The following LRPPRC variants were observed in gnomAD, a reference collection of about 807,000 sequenced individuals.
The protein encoded by LRPPRC is leucine rich pentatricopeptide repeat containing.
Under a neutral mutation model 180.3 loss-of-function variants are expected in LRPPRC, and 120 were observed. The observed-to-expected ratio is 0.67, with a 90% CI of 0.57 to 0.77. LRPPRC has a LOEUF of 0.77. Ranked by LOEUF, LRPPRC falls within the 30% of genes least tolerant of loss-of-function variation. LRPPRC has a pLI of 0.00. For synonymous variants in LRPPRC, 723 were observed against 600.0 expected (o/e 1.21, Z -3.00); for missense variants, 2,012 against 1,657.2 (o/e 1.21, Z -3.72).
intron 10 of LRPPRC, 30 bp from the exon 11 acceptor site, chr2:43,973,744 G>T: frequency 6.2e-7 from 1 of 1,601,074 alleles, no homozygotes; most frequent in East Asian, 2.2e-5. Context: ...AGATCACAAA[G>T]CTACCTCAGC....
intron 36 of LRPPRC, among the ~76,000 whole-genome samples, chr2:43,891,647 C>T (rs1213998962): frequency 3.3e-5 from 5 of 152,214 alleles, no homozygotes; most frequent in Non-Finnish European, 5.9e-5. Context: ...TCCTGTCTTC[C>T]TCTACTCAGG....
At chr2:43,963,829 G>A in intron 11 of LRPPRC, 123 bp from the exon 12 acceptor site, 2 of 745,358 alleles carry the variant, frequency 2.7e-6, no homozygotes, top group South Asian at 1.4e-5. Flanking sequence ...CAATTCGTTT[G>A]TCTAAAAGGC....
intron 11 of LRPPRC, among the ~76,000 whole-genome samples, chr2:43,973,375 G>C (rs942015091): frequency 6.6e-6 from 1 of 152,110 alleles, no homozygotes; most frequent in Non-Finnish European, 1.5e-5. Flanking sequence ...TGAATATCAA[G>C]ATCAGAGATG....
At chr2:43,897,274 A>G (rs1670719575) in intron 34 of LRPPRC, among the ~76,000 whole-genome samples, 1 of 152,172 alleles carries the variant, frequency 6.6e-6, no homozygotes, top group Non-Finnish European at 1.5e-5. Context: ...GACCAAAGTT[A>G]AACTAAAAAA....
intron 27 of LRPPRC, among the ~76,000 whole-genome samples, chr2:43,923,564 TA>T (rs1268113535): frequency 1.3e-5 from 2 of 152,188 alleles, no homozygotes; most frequent in Non-Finnish European, 2.9e-5. Context: ...CACCTGGCCT[TA>T]GACTACCACA....
rs983648809 is a variant in LRPPRC, at chr2:43,914,544, G to A, written c.3149-1986C>T. On this transcript the variant is annotated intron_variant, in intron 29 of 37. Coordinates refer to ENST00000260665, the MANE Select transcript of LRPPRC (RefSeq NM_133259.4). ...GGAGTTCGACACCAGCCTAGACAAC[G>A]TAGTGAAACGCGGTCTATACCAAAA... Among the ~76,000 whole-genome samples the A allele has an allele frequency of 2.0e-5, 3 of 151,780 alleles. No individual in the cohort carries two copies. The South Asian group carries it at 6.3e-4, about 32-fold the overall frequency.
rs1675040850 is a variant in LRPPRC at position 43,995,909 on chromosome 2, A to C, written c.39T>G (p.Arg13=). 6.6e-7 allele frequency: 1 copy of C among 1,516,304 alleles called. No homozygotes were observed. Among genetic ancestry groups the C allele is most frequent in the Non-Finnish European group, 8.8e-7 (1 of 1,139,672 alleles). 93.9% of individuals were successfully genotyped at this position (1,516,304 alleles called of 1,614,324 possible). A position where few individuals can be genotyped will look rare whatever the true frequency, so the allele number is the denominator to read the frequency against. Reference sequence around the variant, plus strand: ...GCGGGAGGCGCGGGGCCGCCCCGGCACGCAGCAACCAACGCGCGGATCTCA... The same window carrying C: ...GCGGGAGGCGCGGGGCCGCCCCGGCCCGCAGCAACCAACGCGCGGATCTCA... ...ALLRSARWLL[R]AGAAPRLPLS... is the part of the protein sequence containing the mutation. The change falls in exon 1 of 38, where the codon CGT becomes CGG. Residue 13 remains arginine (R), a synonymous_variant. Coordinates refer to ENST00000260665, the MANE Select transcript of LRPPRC (RefSeq NM_133259.4).
At chr2:43,925,258 A>G (rs1671835882) in intron 26 of LRPPRC, 101 bp from the exon 27 acceptor site, 1 of 783,012 alleles carries the variant, frequency 1.3e-6, no homozygotes, top group Non-Finnish European at 2.3e-6. Flanking sequence ...CTTTACCAAA[A>G]GGGCAGTTGA....
intron 36 of LRPPRC, 139 bp from the exon 37 acceptor site, chr2:43,890,015 A>G: frequency 7.5e-6 from 5 of 665,624 alleles, no homozygotes; most frequent in Non-Finnish European, 8.2e-6. Flanking sequence ...GTAAGAAGCC[A>G]CATTCAGAAT....
chr2:43,977,314 T>C (rs752954506), intron 3 of LRPPRC, 38 bp from the exon 4 acceptor site: 6 of 1,547,008 alleles, frequency 3.9e-6, no homozygotes, highest in South Asian at 1.1e-5. Context: ...TAGAAAAGCA[T>C]TGAAAATCCT....
chr2:43,926,434 C>T (rs1051982006), intron 25 of LRPPRC, among the ~76,000 whole-genome samples: 1 of 152,128 alleles, frequency 6.6e-6, no homozygotes, highest in Admixed American at 6.5e-5. Flanking sequence ...ATGGCATGAT[C>T]TTGGCTCACT....
rs532608553 is a variant in LRPPRC, at chr2:43,910,678, T to C, written c.3275+1754A>G. On this transcript the variant is annotated intron_variant, in intron 30 of 37. Transcript: ENST00000260665. ...GCTTAAGACATGATTCTTCAATCAC[T>C]TGGGCTATGGAGTAAAATGTACATT... Among the ~76,000 whole-genome samples, 64 of 152,304 alleles carry C rather than the reference T, an allele frequency of 4.2e-4. No individual in the cohort carries two copies. In the Middle Eastern group the frequency reaches 0.014, roughly 32 times the overall value.
intron 32 of LRPPRC, among the ~76,000 whole-genome samples, chr2:43,900,927 C>T (rs1028282767): frequency 1.3e-5 from 2 of 152,052 alleles, no homozygotes; most frequent in Non-Finnish European, 1.5e-5. Context: ...TACGGAAATG[C>T]ACATTTTTAA....
chr2:43,941,974 C>T (rs1572947560), intron 23 of LRPPRC, among the ~76,000 whole-genome samples: 1 of 151,826 alleles, frequency 6.6e-6, no homozygotes, highest in South Asian at 2.1e-4. Flanking sequence ...GCTCAATTAG[C>T]AGGGAGAGCC....
rs371421414 is a variant in LRPPRC, at chr2:43,925,983, T to C, written c.2737-22A>G. ...GAGTCTGTAAAATAAAATAATCACA[T>C]AGCACCCAAGGTAAGGCTTCGGCTG... On this transcript the variant is annotated intron_variant, in intron 25 of 37. Coordinates refer to ENST00000260665, the MANE Select transcript of LRPPRC (RefSeq NM_133259.4). 1.2e-5 allele frequency: 17 copies of C among 1,430,006 alleles called. No individual in the cohort carries two copies. The African/African-American group carries it at 1.5e-4, about 13-fold the overall frequency. The allele number at this position is 1,430,006 out of a possible 1,614,324, so 88.6% of individuals were successfully genotyped here. A position where few individuals can be genotyped will look rare whatever the true frequency, so the allele number is the denominator to read the frequency against.
rs145606585 is a variant in LRPPRC at position 43,977,031 on chromosome 2, C to A, written c.613G>T (p.Ala205Ser). 1 of 1,613,294 alleles carries A rather than the reference C, an allele frequency of 6.2e-7. No individual in the cohort carries two copies. Among genetic ancestry groups the A allele is most frequent in the African/African-American group, 1.3e-5 (1 of 74,884 alleles). The stretch of plus-strand genomic sequence containing the variant: ...ATATCTCCTACATTACAATAAGAAG[C>A]AATCAATCTCTGGTATGTCACCTGT... ...PNRVTYQRLIASYCNVGDIEG... is the reference protein window; with the variant it reads ...PNRVTYQRLISSYCNVGDIEG... Residue 205 changes from alanine (A) to serine (S), a missense_variant, in exon 5 of 38, where the codon GCT (alanine) becomes TCT (serine). Coordinates refer to ENST00000260665, the MANE Select transcript of LRPPRC (RefSeq NM_133259.4).
At position 43,949,872 on chromosome 2, in the gene LRPPRC, G is replaced by A. The variant is rs571020189; in HGVS notation, c.1678-213C>T. 1.1e-3 allele frequency among the ~76,000 whole-genome samples: 166 copies of A among 152,162 alleles called. 2 individuals carry two copies. The highest frequency in any genetic ancestry group is 4.0e-3 in the African/African-American group (166 of 41,522). ...AAAACAAAAACAAATCCATGTTGAA[G>A]GAAAACTGCAATGTTTTGTGAAATG... On this transcript the variant is annotated intron_variant, in intron 15 of 37. Transcript: ENST00000260665.
chr2:43,894,167 A>G (rs994822147), intron 36 of LRPPRC, among the ~76,000 whole-genome samples: 1 of 152,058 alleles, frequency 6.6e-6, no homozygotes, highest in Non-Finnish European at 1.5e-5. Context: ...CAGTTAAGTG[A>G]GTCTCAAATG....
At chr2:43,961,791 T>C (rs529550960) in intron 12 of LRPPRC, among the ~76,000 whole-genome samples, 2 of 152,030 alleles carry the variant, frequency 1.3e-5, no homozygotes, top group Non-Finnish European at 2.9e-5. Context: ...TGAAATCCCA[T>C]CTCTACTAAA....
Sources: gnomAD v4.1 joint callset for allele counts (sites outside exome capture counted in the v4.1 genomes callset) on GRCh38, gnomAD v4.1.1 for gene constraint, MANE v1.5 for transcripts, NCBI Gene and HGNC (gene_info 2026-07-23, HGNC 2026-07-21) for gene names.